SPEG: variants seen among roughly 807,000 people sequenced by gnomAD.
The protein encoded by SPEG is striated muscle enriched protein kinase, also known as striated muscle preferentially expressed protein kinase.
Under a neutral mutation model 300.4 loss-of-function variants are expected in SPEG, and 114 were observed. The observed-to-expected ratio is 0.38, with a 90% CI of 0.33 to 0.44. SPEG has a LOEUF of 0.44. Among genes scored for constraint, SPEG ranks in the 20% least tolerant of loss-of-function variants. The pLI is 1.00. For synonymous variants in SPEG, 1,964 were observed against 2,018.9 expected (o/e 0.97, Z 0.73); for missense variants, 4,201 against 4,586.2 (o/e 0.92, Z 2.43).
intron 1 of SPEG, among the ~76,000 whole-genome samples, chr2:219,436,020 G>A (rs1051090596): frequency 1.9e-4 from 29 of 152,216 alleles, no homozygotes; most frequent in African/African-American, 7.0e-4. Flanking sequence ...CATGGGTGCT[G>A]TGGAGGGCCC....
Position 219,448,409 on chromosome 2 carries a change from C to G in SPEG, c.1251C>G (p.Ser417Arg). 6.5e-7 allele frequency: 1 copy of G among 1,528,564 alleles called. No individual in the cohort carries two copies. The highest frequency in any genetic ancestry group is 1.2e-5 in the South Asian group (1 of 82,610). 94.7% of individuals were successfully genotyped at this position (1,528,564 alleles called of 1,614,324 possible). A position where few individuals can be genotyped will look rare whatever the true frequency, so the allele number is the denominator to read the frequency against. The change falls in exon 4 of 41, where the codon AGC (serine) becomes AGG (arginine). Residue 417 changes from serine (S) to arginine (R), a missense_variant. Physicochemically the swap from Ser to Arg is moderately radical, Grantham distance 110. Around this residue, in one of 4 missense-constraint regions of SPEG, gnomAD observed 1,258 missense variants for 1,293.9 expected, o/e 0.97. Coordinates refer to ENST00000312358, the MANE Select transcript of SPEG (RefSeq NM_005876.5). ...AGCGACGGCGCAGCCTGGAGCGCAG[C>G]GACTCGCCGCCGGCGCCCCTGCGGC... is the stretch of plus-strand genomic sequence containing the variant. The part of the protein sequence containing the change: ...FEERRRSLER[S>R]DSPPAPLRPW...
At chr2:219,463,359 T>G (rs997569447) in intron 8 of SPEG, among the ~76,000 whole-genome samples, 3 of 151,298 alleles carry the variant, frequency 2.0e-5, no homozygotes, top group African/African-American at 7.3e-5. Context: ...ATTCTGTTTT[T>G]CATTTTTAAT....
Position 219,488,509 on chromosome 2 carries a change from T to C in SPEG, c.7870T>C (p.Leu2624=), listed in dbSNP as rs1693653573. 6.3e-7 allele frequency: 1 copy of C among 1,575,826 alleles called. No homozygotes were observed. The highest frequency in any genetic ancestry group is 1.2e-5 in the South Asian group (1 of 85,806). ...HISWMKDKKS[L]RSEPSVIIVS... is the part of the protein sequence containing the mutation. ...CTCCCTGTCCCCAGACAAGAAGTCC[T>C]TGAGGTCAGAGCCCTCAGTGATCAT... Residue 2624 remains leucine (L), a synonymous_variant, in exon 33 of 41, where the codon TTG becomes CTG. Coordinates refer to ENST00000312358, the MANE Select transcript of SPEG (RefSeq NM_005876.5).
At chr2:219,491,408 T>C (rs1693960830) in intron 38 of SPEG, among the ~76,000 whole-genome samples, 2 of 152,134 alleles carry the variant, frequency 1.3e-5, no homozygotes, top group South Asian at 4.1e-4. Context: ...CAGGGTCCCA[T>C]AGCTAGAAGG....
Position 219,461,906 on chromosome 2 carries a change from G to A in SPEG, c.2465G>A (p.Ser822Asn). The A allele has an allele frequency of 6.2e-7, 1 of 1,613,874 alleles. No homozygotes were observed. Among genetic ancestry groups the A allele is most frequent in the Non-Finnish European group, 8.5e-7 (1 of 1,179,892 alleles). Residue 822 changes from serine to asparagine, a missense_variant, in exon 7 of 41, where the codon AGC (serine) becomes AAC (asparagine). Ser to Asn is a conservative substitution (Grantham distance 46). Coordinates refer to ENST00000312358, the MANE Select transcript of SPEG (RefSeq NM_005876.5). The stretch of plus-strand genomic sequence containing the variant: ...GGTGGGTCTACATCCCCTTTCAGCA[G>A]CCCCATCACCTCCGACGAGGAATAC... The part of the protein sequence containing the change: ...RPGGSTSPFS[S>N]PITSDEEYLS...
In SPEG at chr2:219,473,611, C is replaced by A. The variant is rs1235627770; in HGVS notation, c.4255C>A (p.Gln1419Lys). The change falls in exon 17 of 41, where the codon CAG becomes AAG. Residue 1419 changes from glutamine to lysine, a missense_variant. This residue lies in a region of SPEG where 1,047 missense variants were observed against 1,356.8 expected (regional missense o/e 0.77). Transcript: ENST00000312358. This position sits in a 1 kb window ranked among gnomAD's most constrained non-coding sequence, Gnocchi z 4.6. The part of the protein sequence containing the change: ...VTVTFNHVEA[Q>K]VVWRSCRGAL... Reference sequence around the variant, plus strand: ...CGTCACATTCAACCATGTGGAGGCCCAGGTCGTCTGGAGGAGGTGGGCCCC... The same window carrying A: ...CGTCACATTCAACCATGTGGAGGCCAAGGTCGTCTGGAGGAGGTGGGCCCC... 27 of 1,614,102 alleles carry A rather than the reference C, an allele frequency of 1.7e-5. No individual in the cohort carries two copies. Among genetic ancestry groups the A allele is most frequent in the Non-Finnish European group, 2.1e-5 (25 of 1,180,042 alleles).
intron 18 of SPEG, among the ~76,000 whole-genome samples, chr2:219,476,029 G>A (rs574416067): frequency 1.3e-5 from 2 of 151,950 alleles, no homozygotes; most frequent in Non-Finnish European, 2.9e-5. Flanking sequence ...ACGCTGGGGT[G>A]GGGGGTGGGG....
rs1691029687 is a variant in SPEG, at chr2:219,464,156, A to G, written c.2706-277A>G. 6.6e-6 allele frequency among the ~76,000 whole-genome samples: 1 copy of G among 151,650 alleles called. No individual in the cohort carries two copies. Reference sequence around the variant, plus strand: ...AAAAAAAGACAAGAAAAAAGAGCTAAATAGCACGGCTCCACTCTGAATGCA... The same window carrying G: ...AAAAAAAGACAAGAAAAAAGAGCTAGATAGCACGGCTCCACTCTGAATGCA... On this transcript the variant is annotated intron_variant, in intron 8 of 40. Transcript: ENST00000312358. This position sits in a 1 kb window ranked among gnomAD's most constrained non-coding sequence, Gnocchi z 4.5.
rs1693755200 is a variant in SPEG at position 219,489,411 on chromosome 2, A to C, written c.8393A>C (p.Asp2798Ala). ...AGGCCAGCCAGGGCCCGGCCTCCTGACTCTCCTACCTCACTGGCCCCACCC... is the reference window on the plus strand; with the variant it reads ...AGGCCAGCCAGGGCCCGGCCTCCTGCCTCTCCTACCTCACTGGCCCCACCC... ...TSRPARARPP[D>A]SPTSLAPPLA... The change falls in exon 36 of 41, where the codon GAC (aspartate) becomes GCC (alanine). Residue 2798 changes from aspartate to alanine, a missense_variant. Physicochemically the swap from Asp to Ala is moderately radical, Grantham distance 126. Around this residue, in one of 4 missense-constraint regions of SPEG, gnomAD observed 1,578 missense variants for 1,506.0 expected, o/e 1.05. Coordinates refer to ENST00000312358, the MANE Select transcript of SPEG (RefSeq NM_005876.5). The C allele has an allele frequency of 6.2e-7, 1 of 1,609,424 alleles. No individual in the cohort carries two copies.
At chr2:219,436,866 G>A (rs1278412176) in intron 1 of SPEG, among the ~76,000 whole-genome samples, 1 of 152,202 alleles carries the variant, frequency 6.6e-6, no homozygotes, top group African/African-American at 2.4e-5. Flanking sequence ...GTCCCCCCAG[G>A]GGCAAAGAGG....
chr2:219,491,798 G>A lies in SPEG; in HGVS notation c.9390G>A (p.Pro3130=). 9 of 1,612,282 alleles carry A rather than the reference G, an allele frequency of 5.6e-6. No homozygotes were observed. Among genetic ancestry groups the A allele is most frequent in the African/African-American group, 2.7e-5 (2 of 74,902 alleles). Residue 3130 remains proline (P), a synonymous_variant, in exon 39 of 41, where the codon CCG becomes CCA. Coordinates refer to ENST00000312358, the MANE Select transcript of SPEG (RefSeq NM_005876.5). ...TTGGCCTCTGTCTCCTGTCAGCTCC[G>A]GAGATGGTGAAGGGAGAACCCATCG... The part of the protein sequence containing the change: ...HRTGTLEFMA[P]EMVKGEPIGS...
Position 219,484,761 on chromosome 2 carries a change from G to A in SPEG, c.7298G>A (p.Gly2433Asp). The A allele has an allele frequency of 6.8e-7, 1 of 1,461,798 alleles. No homozygotes were observed. Among genetic ancestry groups the A allele is most frequent in the Admixed American group, 2.6e-5 (1 of 37,964 alleles). 90.6% of individuals were successfully genotyped at this position (1,461,798 alleles called of 1,614,324 possible). A position where few individuals can be genotyped will look rare whatever the true frequency, so the allele number is the denominator to read the frequency against. Residue 2433 changes from glycine (G) to aspartate (D), a missense_variant, in exon 30 of 41, where the codon GGC (glycine) becomes GAC (aspartate). Physicochemically the swap from Gly to Asp is moderately conservative, Grantham distance 94. Coordinates refer to ENST00000312358, the MANE Select transcript of SPEG (RefSeq NM_005876.5). ...CGCCACCCGGCCTGGGAGGCCCGCG[G>A]CGGGGACGGAGAGAGCTCGGAGGGC... ...AQRHPAWEAR[G>D]GDGESSEGGS...
chr2:219,452,263 G>A (rs2125314818), intron 6 of SPEG, among the ~76,000 whole-genome samples: 1 of 152,292 alleles, frequency 6.6e-6, no homozygotes, highest in Admixed American at 6.5e-5. Context: ...AGTGCCACAA[G>A]CCACTTCCCC....
intron 9 of SPEG, 76 bp from the exon 10 acceptor site, chr2:219,467,098 T>G (rs1226308137): frequency 2.8e-5 from 41 of 1,456,196 alleles, no homozygotes; most frequent in Non-Finnish European, 3.6e-5. Context: ...TGTCTCTCTG[T>G]GCGTGCGTAT....
intron 1 of SPEG, chr2:219,441,930 T>C (rs1487415009): frequency 3.3e-5 from 8 of 244,700 alleles, no homozygotes; most frequent in Non-Finnish European, 6.1e-5. Context: ...CCCAGGCTCC[T>C]TCCGCCACCC....
chr2:219,455,807 C>A (rs1055044742), intron 6 of SPEG, among the ~76,000 whole-genome samples: 2 of 152,164 alleles, frequency 1.3e-5, no homozygotes, highest in South Asian at 2.1e-4. Context: ...TCCTTGCATG[C>A]CTGATGTGAG....
Position 219,456,648 on chromosome 2 carries a change from G to A in SPEG, c.2440+4841G>A, listed in dbSNP as rs150442216. 9.9e-5 allele frequency among the ~76,000 whole-genome samples: 15 copies of A among 152,250 alleles called. No individual in the cohort carries two copies. In the East Asian group the frequency reaches 2.9e-3, roughly 29 times the overall value. On this transcript the variant is annotated intron_variant, in intron 6 of 40. Transcript: ENST00000312358. Reference sequence around the variant, plus strand: ...ATCATGACCGGGTGCGGTGGCTCACGCCTGTAATCCCAGCACTTTGGGAGG... The same window carrying A: ...ATCATGACCGGGTGCGGTGGCTCACACCTGTAATCCCAGCACTTTGGGAGG...
At chr2:219,490,683 G>A in intron 37 of SPEG, 35 bp downstream of exon 37, 2 of 1,610,482 alleles carry the variant, frequency 1.2e-6, no homozygotes, top group South Asian at 2.2e-5. Context: ...GGGAGGAAGA[G>A]GTAGGGGAGG....
rs939356875 is a variant in SPEG at position 219,448,787 on chromosome 2, G to A, written c.1629G>A (p.Lys543=). The A allele has an allele frequency of 2.9e-5, 41 of 1,415,434 alleles. No individual in the cohort carries two copies. The highest frequency in any genetic ancestry group is 3.8e-5 in the Non-Finnish European group (41 of 1,092,322). The allele number at this position is 1,415,434 out of a possible 1,614,324, so 87.7% of individuals were successfully genotyped here. A position where few individuals can be genotyped will look rare whatever the true frequency, so the allele number is the denominator to read the frequency against. The change falls in exon 4 of 41, where the codon AAG becomes AAA. Residue 543 remains lysine (K), a synonymous_variant. Coordinates refer to ENST00000312358, the MANE Select transcript of SPEG (RefSeq NM_005876.5). ...PPLFSRPSTP[K]TSRAVSPAAA... ...TCTTCTCTCGGCCCTCCACCCCCAA[G>A]ACATCGCGGGCCGTGAGCCCCGCCG...
Sources: allele counts gnomAD v4.1 joint callset (sites outside exome capture counted in the v4.1 genomes callset), GRCh38; gene constraint gnomAD v4.1.1; regional missense constraint gnomAD v4.1.1; non-coding constraint Gnocchi (gnomAD v3.1); transcripts MANE v1.5; gene names NCBI Gene and HGNC (gene_info 2026-07-23, HGNC 2026-07-21).